The following CCDC178 variants were observed in gnomAD, a reference collection of about 807,000 sequenced individuals.
The protein encoded by CCDC178 is coiled-coil domain-containing protein 178.
CCDC178 carries 126 observed loss-of-function variants against 117.4 expected under a neutral mutation model. The ratio of observed to expected loss-of-function variants is 1.07; its 90% CI spans 0.93 to 1.24. The LOEUF is 1.24. Among genes scored for constraint, CCDC178 ranks in the 50% most tolerant of loss-of-function variants. CCDC178 has a pLI of 0.00. For missense variants in CCDC178, 1,030 were observed against 986.9 expected (o/e 1.04, Z -0.59); for synonymous variants, 283 against 313.4 (o/e 0.90, Z 1.02).
chr18:33,394,266 C>CAGTTGA lies in CCDC178; in HGVS notation c.118+2877_118+2882dup, dbSNP rs1384321054. ...TAATATTTATTGAACATATACATGA[C>CAGTTGA]AGTTGACTTCAACATATTTATTATA... is the stretch of plus-strand genomic sequence containing the variant. On this transcript the variant is annotated intron_variant, in intron 4 of 22. Transcript: ENST00000383096. Among the ~76,000 whole-genome samples, 27 of 151,974 alleles carry CAGTTGA rather than the reference C, an allele frequency of 1.8e-4. No homozygotes were observed. In the South Asian group the frequency reaches 5.0e-3, roughly 28 times the overall value.
chr18:33,329,426 T>C (rs1017352748), intron 10 of CCDC178, among the ~76,000 whole-genome samples: 9 of 152,182 alleles, frequency 5.9e-5, no homozygotes, highest in African/African-American at 2.2e-4. Context: ...ACCTGTGGGT[T>C]TTACAAAAAT....
intron 15 of CCDC178, among the ~76,000 whole-genome samples, chr18:33,227,538 G>A (rs1375523934): frequency 2.9e-3 from 162 of 55,856 alleles, no homozygotes; most frequent in African/African-American, 7.9e-3. Context: ...ATGTATGTGT[G>A]TGTGTGTGTG....
chr18:33,388,096 A>C (rs577507981), intron 5 of CCDC178, among the ~76,000 whole-genome samples: 2 of 152,372 alleles, frequency 1.3e-5, no homozygotes, highest in Admixed American at 1.3e-4. Flanking sequence ...ACATGTGGCC[A>C]ACAAATATAT....
chr18:33,193,739 A>G (rs1473713543), intron 20 of CCDC178, among the ~76,000 whole-genome samples: 1 of 152,242 alleles, frequency 6.6e-6, no homozygotes, highest in Non-Finnish European at 1.5e-5. Context: ...AAGTGGTTAT[A>G]CTACCTTTTC....
chr18:33,306,637 G>T (rs1204230811), intron 11 of CCDC178, among the ~76,000 whole-genome samples: 1 of 145,058 alleles, frequency 6.9e-6, no homozygotes, highest in Non-Finnish European at 1.5e-5. Context: ...TATATATAAG[G>T]TTATATGTTA....
At chr18:33,312,011 CAG>C (rs1273398544) in intron 11 of CCDC178, among the ~76,000 whole-genome samples, 1 of 152,160 alleles carries the variant, frequency 6.6e-6, no homozygotes, top group Admixed American at 6.5e-5. Context: ...GTTGAGAAAA[CAG>C]GGATTCTTGA....
chr18:33,012,674 A>G (rs1299772297), intron 21 of CCDC178, among the ~76,000 whole-genome samples: 1 of 152,154 alleles, frequency 6.6e-6, no homozygotes, highest in Non-Finnish European at 1.5e-5. Flanking sequence ...TGGAACTTAA[A>G]TTGTAGATGG....
intron 20 of CCDC178, among the ~76,000 whole-genome samples, chr18:33,122,355 C>G (rs1217477470): frequency 6.6e-6 from 1 of 151,998 alleles, no homozygotes; most frequent in Non-Finnish European, 1.5e-5. Flanking sequence ...CATATCAGAT[C>G]AGAAATATTG....
intron 15 of CCDC178, among the ~76,000 whole-genome samples, chr18:33,234,409 C>T (rs1001806643): frequency 2.0e-5 from 3 of 151,660 alleles, no homozygotes; most frequent in East Asian, 1.9e-4. Context: ...TCTTAGTAAA[C>T]GAAGACCAAT....
chr18:33,147,597 T>A (rs980619648), intron 20 of CCDC178, among the ~76,000 whole-genome samples: 1 of 151,904 alleles, frequency 6.6e-6, no homozygotes, highest in Non-Finnish European at 1.5e-5. Flanking sequence ...CCTTCAAGCA[T>A]CTGTTTAACA....
intron 20 of CCDC178, among the ~76,000 whole-genome samples, chr18:33,189,014 G>A (rs928199905): frequency 1.3e-5 from 2 of 152,128 alleles, no homozygotes; most frequent in African/African-American, 4.8e-5. Context: ...GGCAAAAAAT[G>A]TGATAGTCTA....
Position 33,376,162 on chromosome 18 carries a change from T to C in CCDC178, c.209-5973A>G, listed in dbSNP as rs143174167. 7.9e-5 allele frequency among the ~76,000 whole-genome samples: 12 copies of C among 152,224 alleles called. No individual in the cohort carries two copies. In the East Asian group the frequency reaches 2.3e-3, roughly 30 times the overall value. ...CTGATGAGTTTAAGGTGTTTTCTAT[T>C]AGGAGACTGCCTTTCTCTGGCACTG... On this transcript the variant is annotated intron_variant, in intron 5 of 22. Coordinates refer to ENST00000383096, the MANE Select transcript of CCDC178 (RefSeq NM_001105528.4).
At chr18:32,943,692 T>C (rs575316168) in intron 22 of CCDC178, among the ~76,000 whole-genome samples, 8 of 152,308 alleles carry the variant, frequency 5.3e-5, no homozygotes, top group African/African-American at 1.9e-4. Context: ...CACTGAATAT[T>C]CTATTCCACT....
intron 12 of CCDC178, among the ~76,000 whole-genome samples, chr18:33,287,772 C>T (rs2060117342): frequency 6.6e-6 from 1 of 151,784 alleles, no homozygotes; most frequent in Admixed American, 6.6e-5. Context: ...GAGAGAGACA[C>T]CGTCTCAAAA....
intron 21 of CCDC178, among the ~76,000 whole-genome samples, chr18:33,009,843 GC>G (rs1459336512): frequency 6.6e-6 from 1 of 152,042 alleles, no homozygotes; most frequent in African/African-American, 2.4e-5. Flanking sequence ...TGTTTTGAAT[GC>G]TTATTTGAAA....
intron 20 of CCDC178, among the ~76,000 whole-genome samples, chr18:33,169,474 A>T (rs2058571989): frequency 6.6e-6 from 1 of 152,146 alleles, no homozygotes; most frequent in Admixed American, 6.6e-5. Context: ...GTTTCATGTC[A>T]CTAACTTCAA....
At chr18:33,362,127 G>A (rs1025579437) in intron 6 of CCDC178, among the ~76,000 whole-genome samples, 4 of 150,908 alleles carry the variant, frequency 2.7e-5, no homozygotes, top group Admixed American at 6.6e-5. Context: ...ACACATACAC[G>A]CATGTATGCA....
At chr18:33,053,559 G>A (rs1007041923) in intron 21 of CCDC178, among the ~76,000 whole-genome samples, 3 of 151,748 alleles carry the variant, frequency 2.0e-5, no homozygotes, top group Non-Finnish European at 4.4e-5. Context: ...AGTTTCCAGG[G>A]GTAAAAATAA....
At chr18:33,402,874 A>T (rs1382980804) in intron 3 of CCDC178, among the ~76,000 whole-genome samples, 1 of 152,202 alleles carries the variant, frequency 6.6e-6, no homozygotes, top group African/African-American at 2.4e-5. Context: ...CTTCAAGGAA[A>T]TATTTGTAAA....
Sources: gnomAD v4.1 joint callset for allele counts (sites outside exome capture counted in the v4.1 genomes callset) on GRCh38, gnomAD v4.1.1 for gene constraint, MANE v1.5 for transcripts, NCBI Gene and HGNC (gene_info 2026-07-23, HGNC 2026-07-21) for gene names.